PPFIBP1: variants seen among roughly 807,000 people sequenced by gnomAD.
PPFIBP1 encodes the protein PPFIB scaffold protein 1, also known as liprin-beta-1.
PPFIBP1 carries 112 observed loss-of-function variants against 137.8 expected under a neutral mutation model. The observed-to-expected ratio is 0.81, with a 90% CI of 0.70 to 0.95. The LOEUF (loss-of-function observed/expected upper bound fraction) is 0.95, where lower values mean the gene tolerates loss of function less well. Ranked by LOEUF, PPFIBP1 falls within the 40% of genes least tolerant of loss-of-function variation. The probability of loss-of-function intolerance (pLI) is 0.00; values close to 1 mark genes in which losing one functional copy is unlikely to be tolerated. For missense variants in PPFIBP1, 1,083 were observed against 1,196.6 expected (o/e 0.91, Z 1.40); for synonymous variants, 378 against 417.3 (o/e 0.91, Z 1.15).
chr12:27,622,215 GT>G (rs998866572), intron 2 of PPFIBP1, among the ~76,000 whole-genome samples: 1 of 152,200 alleles, frequency 6.6e-6, no homozygotes, highest in African/African-American at 2.4e-5. Flanking sequence ...CAGGGCTGCA[GT>G]TTCCAATCAG....
intron 19 of PPFIBP1, 101 bp from the exon 20 acceptor site, chr12:27,679,388 G>T: frequency 1.7e-6 from 2 of 1,176,004 alleles, no homozygotes; most frequent in South Asian, 1.5e-5. Flanking sequence ...ACTGATTATA[G>T]ACCAACAGAA....
At chr12:27,644,405 A>C (rs926005906) in intron 4 of PPFIBP1, among the ~76,000 whole-genome samples, 13 of 151,930 alleles carry the variant, frequency 8.6e-5, no homozygotes, top group Non-Finnish European at 1.8e-4. Context: ...TCCTCACTAA[A>C]CAGCAGTTTT....
At chr12:27,613,586 C>T (rs2055392990) in intron 2 of PPFIBP1, among the ~76,000 whole-genome samples, 1 of 151,948 alleles carries the variant, frequency 6.6e-6, no homozygotes, top group Non-Finnish European at 1.5e-5. Flanking sequence ...ACCTGTAATC[C>T]CAGCTGCTTG....
chr12:27,604,825 G>A (rs911707119), intron 2 of PPFIBP1, among the ~76,000 whole-genome samples: 4 of 152,160 alleles, frequency 2.6e-5, no homozygotes, highest in African/African-American at 7.2e-5. Context: ...AGGCTTAATG[G>A]GACTTAACAG....
At chr12:27,638,912 CT>C (rs2057896392) in intron 4 of PPFIBP1, among the ~76,000 whole-genome samples, 3 of 152,132 alleles carry the variant, frequency 2.0e-5, no homozygotes, top group African/African-American at 2.4e-5. Context: ...TTGAGAGGCC[CT>C]GTACTTTAAG....
intron 2 of PPFIBP1, among the ~76,000 whole-genome samples, chr12:27,590,077 T>G (rs2052305874): frequency 6.6e-6 from 1 of 152,252 alleles, no homozygotes; most frequent in Non-Finnish European, 1.5e-5. Flanking sequence ...TATTTCACTT[T>G]TTTAAAATTA....
At chr12:27,688,882 G>T in intron 26 of PPFIBP1, 133 bp from the exon 27 acceptor site, 1 of 781,436 alleles carries the variant, frequency 1.3e-6, no homozygotes. Flanking sequence ...TCCATATTGT[G>T]TCTACCTCAC....
At position 27,649,999 on chromosome 12, in the gene PPFIBP1, A is replaced by C. The variant is rs17224002; in HGVS notation, c.472-11A>C. On this transcript the variant is annotated splice_polypyrimidine_tract_variant and intron_variant, in intron 6 of 29. Coordinates refer to ENST00000228425, the MANE Select transcript of PPFIBP1 (RefSeq NM_003622.4). ...AAAGACTTCTTGAATGTATCTGTTA[A>C]ATTATAATAGGAGCTTCTAAGTAGG... is the stretch of plus-strand genomic sequence containing the variant. The C allele has an allele frequency of 0.081, 128,832 of 1,592,872 alleles. 6,114 individuals are homozygous for C. The highest frequency in any genetic ancestry group is 0.097 in the Non-Finnish European group (112,886 of 1,165,614).
intron 2 of PPFIBP1, among the ~76,000 whole-genome samples, chr12:27,623,717 C>T (rs1457915298): frequency 6.7e-6 from 1 of 149,932 alleles, no homozygotes; most frequent in Non-Finnish European, 1.5e-5. Flanking sequence ...TCAAAAAAAA[C>T]AAAACAAACA....
chr12:27,680,008 G>A lies in PPFIBP1; in HGVS notation c.1842G>A (p.Arg614=). The A allele has an allele frequency of 6.2e-7, 1 of 1,614,070 alleles. No homozygotes were observed. The highest frequency in any genetic ancestry group is 8.5e-7 in the Non-Finnish European group (1 of 1,179,980). ...CTGAATTCAAAAGAGGAGGGACAAGGGCAACCGCGGGGCCCCGATTAGGTT... is the reference window on the plus strand; with the variant it reads ...CTGAATTCAAAAGAGGAGGGACAAGAGCAACCGCGGGGCCCCGATTAGGTT... ...SEPEFKRGGT[R]ATAGPRLGWS... The change falls in exon 21 of 30, where the codon AGG becomes AGA. Residue 614 remains arginine (R), a synonymous_variant. Transcript: ENST00000228425.
chr12:27,584,935 A>T (rs2051552898), intron 2 of PPFIBP1, among the ~76,000 whole-genome samples: 1 of 152,228 alleles, frequency 6.6e-6, no homozygotes. Context: ...GTGATGCCTG[A>T]TGGCCCACTG....
chr12:27,632,634 G>C (rs1191498303), intron 2 of PPFIBP1, among the ~76,000 whole-genome samples: 3 of 152,146 alleles, frequency 2.0e-5, no homozygotes, highest in Admixed American at 6.5e-5. Flanking sequence ...GACAGACCTA[G>C]GTTAGAAACT....
At chr12:27,664,203 T>G (rs1234426130) in intron 11 of PPFIBP1, among the ~76,000 whole-genome samples, 159 bp from the exon 12 acceptor site, 1 of 152,214 alleles carries the variant, frequency 6.6e-6, no homozygotes, top group African/African-American at 2.4e-5. Flanking sequence ...TTAAATAAGG[T>G]AAATAATTCA....
intron 1 of PPFIBP1, among the ~76,000 whole-genome samples, chr12:27,558,225 T>A (rs1263882919): frequency 6.6e-6 from 1 of 151,756 alleles, no homozygotes; most frequent in Non-Finnish European, 1.5e-5. Flanking sequence ...CTCTTTCTTA[T>A]ACCTTTTTCT....
At chr12:27,554,056 CA>C (rs1274939101) in intron 1 of PPFIBP1, among the ~76,000 whole-genome samples, 1 of 152,226 alleles carries the variant, frequency 6.6e-6, no homozygotes, top group African/African-American at 2.4e-5. Context: ...GGCTGCTTGA[CA>C]GCACCCATCT....
Position 27,691,843 on chromosome 12 carries a change from C to A in PPFIBP1, c.2780C>A (p.Ala927Glu). 5 of 1,613,868 alleles carry A rather than the reference C, an allele frequency of 3.1e-6. No individual in the cohort carries two copies. The highest frequency in any genetic ancestry group is 4.2e-6 in the Non-Finnish European group (5 of 1,179,836). ...GTTTGTCCAATGGAATTGGGACAGGCATCAGGAAGTGCATCTAAGAAAGGA... is the reference window on the plus strand; with the variant it reads ...GTTTGTCCAATGGAATTGGGACAGGAATCAGGAAGTGCATCTAAGAAAGGA... The part of the protein sequence containing the change: ...EYVCPMELGQ[A>E]SGSASKKGFK... The change falls in exon 28 of 30, where the codon GCA becomes GAA. Residue 927 changes from alanine to glutamate, a missense_variant. By Grantham distance (107) the Ala-to-Glu change is moderately radical. Transcript: ENST00000228425.
In PPFIBP1 at chr12:27,682,013, C is replaced by G. The variant is rs76053588; in HGVS notation, c.2046+317C>G. Among the ~76,000 whole-genome samples the G allele has an allele frequency of 6.2e-3, 777 of 125,604 alleles. 6 individuals are homozygous for G. The highest frequency in any genetic ancestry group is 0.022 in the African/African-American group (734 of 33,506). 82.4% of individuals were successfully genotyped at this position (125,604 alleles called of 152,430 possible). On this transcript the variant is annotated intron_variant, in intron 22 of 29. Transcript: ENST00000228425. ...CCTGTTTTTCTCAGTGTAAGATATG[C>G]AATTAACTTCACTTTGCAAAAGAAA...
chr12:27,678,925 G>A (rs1458189683), intron 19 of PPFIBP1, among the ~76,000 whole-genome samples: 1 of 146,684 alleles, frequency 6.8e-6, no homozygotes, highest in African/African-American at 2.5e-5. Context: ...GGATGAGTTT[G>A]TGAAGTCCCA....
intron 11 of PPFIBP1, 117 bp downstream of exon 11, chr12:27,661,062 G>T: frequency 7.0e-7 from 1 of 1,433,832 alleles, no homozygotes; most frequent in Non-Finnish European, 9.3e-7. Flanking sequence ...ACTGCTAGGA[G>T]TGAGGGGCAG....
Sources: gnomAD v4.1 joint callset for allele counts (sites outside exome capture counted in the v4.1 genomes callset) on GRCh38, gnomAD v4.1.1 for gene constraint, MANE v1.5 for transcripts, NCBI Gene and HGNC (gene_info 2026-07-23, HGNC 2026-07-21) for gene names.